CRISPLD2: variants seen among roughly 807,000 people sequenced by gnomAD.
The protein encoded by CRISPLD2 is cysteine rich secretory protein LCCL domain containing 2.
CRISPLD2 carries 47 observed loss-of-function variants against 71.1 expected under a neutral mutation model. The observed-to-expected ratio is 0.66, with a 90% confidence interval of 0.52 to 0.84. CRISPLD2 has a LOEUF of 0.84. Ranked by LOEUF, CRISPLD2 falls within the 40% of genes least tolerant of loss-of-function variation. The pLI is 0.00. For missense variants in CRISPLD2, 830 were observed against 651.1 expected, an observed-to-expected ratio of 1.27 and a Z score of -2.99; for synonymous variants, 317 against 250.1, an observed-to-expected ratio of 1.27 and a Z score of -2.52.
chr16:84,892,203 C>G (rs1428439936), intron 14 of CRISPLD2, among the ~76,000 whole-genome samples: 3 of 152,198 alleles, frequency 2.0e-5, no homozygotes, highest in African/African-American at 7.2e-5. Flanking sequence ...CAACCCAGAG[C>G]TTGTTGGAAA....
rs1374519911 is a variant in CRISPLD2 at position 84,864,948 on chromosome 16, G to C, written c.710-1949G>C. The stretch of plus-strand genomic sequence containing the variant: ...GGGACAGGACCAGCCTGGGGTGGTG[G>C]TTGTAGGGTAGTGAAATTGGCCAGT... On this transcript the variant is annotated intron_variant, in intron 6 of 14. Transcript: ENST00000262424. Among the ~76,000 whole-genome samples the C allele has an allele frequency of 3.3e-5, 5 of 152,302 alleles. No individual in the cohort carries two copies. The East Asian group carries it at 9.7e-4, about 29-fold the overall frequency.
chr16:84,906,811 C>A lies in CRISPLD2; in HGVS notation c.*169C>A. On this transcript the variant is annotated 3_prime_UTR_variant, in exon 15 of 15. Transcript: ENST00000262424. ...GGTGAGGTGACATCTCATCCCCTCA[C>A]TGAAGCAACAGCATCCCAAGGTGCT... 1.3e-6 allele frequency: 1 copy of A among 782,740 alleles called. No homozygotes were observed. The highest frequency in any genetic ancestry group is 2.2e-6 in the Non-Finnish European group (1 of 457,062). The allele number at this position is 782,740 out of a possible 1,614,324, so 48.5% of individuals were successfully genotyped here. A position where few individuals can be genotyped will look rare whatever the true frequency, so the allele number is the denominator to read the frequency against.
At chr16:84,903,017 C>T (rs950514629) in intron 14 of CRISPLD2, among the ~76,000 whole-genome samples, 16 of 151,980 alleles carry the variant, frequency 1.1e-4, no homozygotes, top group African/African-American at 3.4e-4. Context: ...ATCTGCCCAC[C>T]TCAGCCTCCC....
intron 14 of CRISPLD2, 134 bp from the exon 15 acceptor site, chr16:84,906,454 G>C: frequency 1.2e-6 from 1 of 806,330 alleles, no homozygotes; most frequent in East Asian, 2.6e-5. Flanking sequence ...CGGCTTCAAG[G>C]AAGTGTCCCT....
intron 1 of CRISPLD2, among the ~76,000 whole-genome samples, chr16:84,823,068 C>T (rs1916267693): frequency 6.6e-6 from 1 of 152,212 alleles, no homozygotes; most frequent in Non-Finnish European, 1.5e-5. Flanking sequence ...TCTCTACGAA[C>T]TTGCTTATTC....
intron 13 of CRISPLD2, among the ~76,000 whole-genome samples, chr16:84,888,665 T>G (rs1163565438): frequency 2.0e-5 from 3 of 152,212 alleles, no homozygotes; most frequent in African/African-American, 2.4e-5. Flanking sequence ...ACCCTGGCTG[T>G]CTGTCTGTTT....
intron 14 of CRISPLD2, among the ~76,000 whole-genome samples, chr16:84,892,975 CAAAA>C (rs35939092): frequency 1.1e-4 from 7 of 64,946 alleles, no homozygotes; most frequent in African/African-American, 3.0e-4. Context: ...GACTCCATCT[CAAAA>C]AAAAAAAAAA....
At chr16:84,881,817 C>T (rs1380790654) in intron 13 of CRISPLD2, among the ~76,000 whole-genome samples, 1 of 152,016 alleles carries the variant, frequency 6.6e-6, no homozygotes, top group African/African-American at 2.4e-5. Flanking sequence ...TCATCCCCTC[C>T]TTTACAGCTC....
chr16:84,883,613 G>C (rs1178098215), intron 13 of CRISPLD2, among the ~76,000 whole-genome samples: 3 of 152,212 alleles, frequency 2.0e-5, no homozygotes, highest in East Asian at 1.9e-4. Context: ...CAGCATTCAG[G>C]ATCAGTGGGG....
chr16:84,888,515 A>T (rs1397822583), intron 13 of CRISPLD2, among the ~76,000 whole-genome samples: 1 of 152,232 alleles, frequency 6.6e-6, no homozygotes, highest in Non-Finnish European at 1.5e-5. Flanking sequence ...AAACCAGCAC[A>T]TCCTGCCTCT....
At chr16:84,872,917 G>A (rs2143289339) in intron 9 of CRISPLD2, 75 bp from the exon 10 acceptor site, 2 of 1,532,938 alleles carry the variant, frequency 1.3e-6, no homozygotes, top group Non-Finnish European at 1.8e-6. Context: ...GAGGACAAAT[G>A]TTTGGGTATT....
At chr16:84,820,625 T>G (rs1455784030) in intron 1 of CRISPLD2, among the ~76,000 whole-genome samples, 2 of 152,164 alleles carry the variant, frequency 1.3e-5, no homozygotes, top group Non-Finnish European at 2.9e-5. Context: ...ATTTGCAAGG[T>G]AGCCTTCTTC....
chr16:84,836,161 C>T lies in CRISPLD2; in HGVS notation c.-74-2261C>T, dbSNP rs374795329. On this transcript the variant is annotated intron_variant, in intron 1 of 14. Coordinates refer to ENST00000262424, the MANE Select transcript of CRISPLD2 (RefSeq NM_031476.4). ...GTATAAGGTGTATCTCAAACATCAA[C>T]AAATTTTGTGTTTAGATTGGGTCTT... 3 of 152,142 alleles carry T rather than the reference C, an allele frequency of 2.0e-5. No individual in the cohort carries two copies. In the East Asian group the frequency reaches 5.8e-4, roughly 29 times the overall value. The allele number at this position is 152,142 out of a possible 1,614,324, so 9.4% of individuals were successfully genotyped here. A position where few individuals can be genotyped will look rare whatever the true frequency, so the allele number is the denominator to read the frequency against.
At chr16:84,877,971 G>A (rs995038345) in intron 12 of CRISPLD2, among the ~76,000 whole-genome samples, 1 of 151,798 alleles carries the variant, frequency 6.6e-6, no homozygotes, top group Non-Finnish European at 1.5e-5. Context: ...AGCACTTTGG[G>A]AGGCCGAGGC....
At chr16:84,875,012 G>T (rs9922294) in intron 11 of CRISPLD2, among the ~76,000 whole-genome samples, 1 of 152,122 alleles carries the variant, frequency 6.6e-6, no homozygotes, top group Non-Finnish European at 1.5e-5. Flanking sequence ...AGACTGAGGC[G>T]GGAGGATTGC....
At chr16:84,863,957 CAAAAAAA>C (rs781013604) in intron 6 of CRISPLD2, among the ~76,000 whole-genome samples, 1 of 80,830 alleles carries the variant, frequency 1.2e-5, no homozygotes, top group Non-Finnish European at 2.6e-5. Context: ...AACTTCCTCT[CAAAAAAA>C]AAAAAAAAAA....
chr16:84,870,972 C>T (rs1469541058), intron 8 of CRISPLD2, among the ~76,000 whole-genome samples: 2 of 152,064 alleles, frequency 1.3e-5, no homozygotes, highest in Non-Finnish European at 2.9e-5. Context: ...GCACAAGAAT[C>T]GCTTGAACCT....
At chr16:84,850,738 C>CA in intron 5 of CRISPLD2, 55 bp downstream of exon 5, 1 of 1,386,450 alleles carries the variant, frequency 7.2e-7, no homozygotes, top group South Asian at 1.2e-5. Context: ...GTTTGCTTGC[C>CA]AGGGAGCACC....
Position 84,907,074 on chromosome 16 carries a change from C to G in CRISPLD2, c.*432C>G, listed in dbSNP as rs1278932660. ...CGTCGGAAGAGGCCTTTTGAGCAAG[C>G]GCCAATGAGTTTCAGGAATGAAGTA... is the stretch of plus-strand genomic sequence containing the variant. On this transcript the variant is annotated 3_prime_UTR_variant, in exon 15 of 15. Transcript: ENST00000262424. The G allele has an allele frequency of 5.0e-6, 1 of 198,964 alleles. No homozygotes were observed. Among genetic ancestry groups the G allele is most frequent in the African/African-American group, 2.4e-5 (1 of 41,994 alleles). 12.3% of individuals were successfully genotyped at this position (198,964 alleles called of 1,614,324 possible). A position where few individuals can be genotyped will look rare whatever the true frequency, so the allele number is the denominator to read the frequency against.
Sources: allele counts gnomAD v4.1 joint callset (sites outside exome capture counted in the v4.1 genomes callset), GRCh38; gene constraint gnomAD v4.1.1; transcripts MANE v1.5; gene names NCBI Gene and HGNC (gene_info 2026-07-23, HGNC 2026-07-21).